ME3: variants seen among roughly 807,000 people sequenced by gnomAD.
ME3 encodes the protein malic enzyme 3, also known as NADP-dependent malic enzyme, mitochondrial.
Under a neutral mutation model 68.9 loss-of-function variants are expected in ME3, and 48 were observed. That is an observed-to-expected ratio of 0.70 (90% CI 0.55 to 0.89). ME3 has a LOEUF of 0.89. Among genes scored for constraint, ME3 ranks in the 40% least tolerant of loss-of-function variants. ME3 has a pLI of 0.00. For missense variants in ME3, 675 were observed against 797.4 expected, an observed-to-expected ratio of 0.85 and a Z score of 1.85; for synonymous variants, 320 against 318.8, an observed-to-expected ratio of 1.00 and a Z score of -0.04.
intron 2 of ME3, among the ~76,000 whole-genome samples, chr11:86,569,503 G>A (rs539386962): frequency 0.028 from 4,220 of 152,174 alleles, 183 homozygotes; most frequent in African/African-American, 0.088. Context: ...ACACAGTTTA[G>A]CACATGCGAT....
intron 4 of ME3, among the ~76,000 whole-genome samples, chr11:86,549,512 C>T (rs1025830047): frequency 1.3e-5 from 2 of 152,192 alleles, no homozygotes; most frequent in African/African-American, 4.8e-5. Flanking sequence ...TGACTGCTTT[C>T]ATGTCTCATT....
chr11:86,447,454 AGGCATTCCTG>A (rs1949376395), intron 11 of ME3, among the ~76,000 whole-genome samples: 1 of 152,152 alleles, frequency 6.6e-6, no homozygotes, highest in South Asian at 2.1e-4. Flanking sequence ...GCTCCTGTGA[AGGCATTCCTG>A]GGCATTTCCA....
At chr11:86,610,593 C>A (rs1237167094) in intron 2 of ME3, among the ~76,000 whole-genome samples, 1 of 152,096 alleles carries the variant, frequency 6.6e-6, no homozygotes, top group Non-Finnish European at 1.5e-5. Context: ...CGACTCACAT[C>A]CCTTGCTGCT....
intron 2 of ME3, among the ~76,000 whole-genome samples, chr11:86,596,968 G>A (rs1270081684): frequency 6.6e-6 from 1 of 152,220 alleles, no homozygotes; most frequent in Non-Finnish European, 1.5e-5. Context: ...AGGTCATAGA[G>A]GGAAGCCTCT....
chr11:86,459,812 A>G (rs908102103), intron 8 of ME3, among the ~76,000 whole-genome samples: 2 of 152,226 alleles, frequency 1.3e-5, no homozygotes, highest in Admixed American at 6.5e-5. Context: ...CATAACACAC[A>G]GGAGCCTTTA....
At chr11:86,494,920 ATAAC>A (rs1370225450) in intron 6 of ME3, among the ~76,000 whole-genome samples, 1 of 152,262 alleles carries the variant, frequency 6.6e-6, no homozygotes, top group East Asian at 1.9e-4. Flanking sequence ...CACCTAGGTA[ATAAC>A]TATCTTTATG....
intron 4 of ME3, among the ~76,000 whole-genome samples, chr11:86,532,485 A>T (rs1955325413): frequency 6.6e-6 from 1 of 152,236 alleles, no homozygotes; most frequent in Admixed American, 6.5e-5. Context: ...AGGTCTTAAC[A>T]AATTTAAGGA....
At position 86,594,695 on chromosome 11, in the gene ME3, AAC is replaced by A. The variant is rs1200986719; in HGVS notation, c.184-34874_184-34873del. Among the ~76,000 whole-genome samples, 90 of 146,022 alleles carry A rather than the reference AAC, an allele frequency of 6.2e-4. 25 individuals carry two copies. The East Asian group carries it at 0.017, about 27-fold the overall frequency. On this transcript the variant is annotated intron_variant, in intron 2 of 14. Transcript: ENST00000543262. ...CCTTTCTCAAAAAACAATACAAAAA[AAC>A]ACAAAAAAACAAAAAAACGAAACAA...
intron 4 of ME3, among the ~76,000 whole-genome samples, chr11:86,530,032 G>C (rs1360722022): frequency 6.6e-6 from 1 of 152,152 alleles, no homozygotes; most frequent in Non-Finnish European, 1.5e-5. Flanking sequence ...AGGAAATAAA[G>C]GGTATTCAAT....
At chr11:86,650,991 T>A (rs1023837974) in intron 2 of ME3, among the ~76,000 whole-genome samples, 1 of 152,198 alleles carries the variant, frequency 6.6e-6, no homozygotes, top group Non-Finnish European at 1.5e-5. Flanking sequence ...AGAGCCTCAC[T>A]CATTGCTAGC....
chr11:86,616,895 G>A (rs1942994159), intron 2 of ME3, among the ~76,000 whole-genome samples: 2 of 152,208 alleles, frequency 1.3e-5, no homozygotes, highest in Middle Eastern at 3.4e-3. Context: ...TCATAGTCAT[G>A]TACCAATATT....
At chr11:86,455,298 C>G (rs948754614) in intron 8 of ME3, among the ~76,000 whole-genome samples, 1 of 152,220 alleles carries the variant, frequency 6.6e-6, no homozygotes, top group East Asian at 1.9e-4. Context: ...GGGCACAAAA[C>G]AGTAGAACAC....
chr11:86,509,402 A>T (rs1827070405), intron 4 of ME3, among the ~76,000 whole-genome samples: 5 of 15,126 alleles, frequency 3.3e-4, no homozygotes, highest in East Asian at 1.2e-3. Context: ...CCATCATCAC[A>T]CACACACACA....
intron 2 of ME3, among the ~76,000 whole-genome samples, chr11:86,620,440 T>C (rs960851793): frequency 6.6e-6 from 1 of 152,208 alleles, no homozygotes; most frequent in African/African-American, 2.4e-5. Flanking sequence ...TTGCCTCCTT[T>C]TAGGGTCTAC....
At chr11:86,587,347 C>T (rs1187543944) in intron 2 of ME3, among the ~76,000 whole-genome samples, 2 of 152,136 alleles carry the variant, frequency 1.3e-5, no homozygotes, top group Admixed American at 1.3e-4. Flanking sequence ...GCAGGCAGGC[C>T]CAGGTCAAGG....
chr11:86,506,401 G>T (rs761898329), intron 5 of ME3, among the ~76,000 whole-genome samples: 1 of 152,154 alleles, frequency 6.6e-6, no homozygotes, highest in Non-Finnish European at 1.5e-5. Flanking sequence ...ACCACAATAC[G>T]AAGCAATTTG....
At position 86,582,269 on chromosome 11, in the gene ME3, A is replaced by C. The variant is rs1958483225; in HGVS notation, c.184-22446T>G. Among the ~76,000 whole-genome samples the C allele has an allele frequency of 2.6e-5, 4 of 152,220 alleles. No individual in the cohort carries two copies. The South Asian group carries it at 8.3e-4, about 32-fold the overall frequency. ...GAATGACCTTCTGTGCCCATCTACT[A>C]ATCAGTATAGTGGATTAGAGGATGA... is the stretch of plus-strand genomic sequence containing the variant. On this transcript the variant is annotated intron_variant, in intron 2 of 14. Coordinates refer to ENST00000543262, the Ensembl canonical transcript of ME3.
At chr11:86,577,805 T>C (rs1221662967) in intron 2 of ME3, among the ~76,000 whole-genome samples, 1 of 152,246 alleles carries the variant, frequency 6.6e-6, no homozygotes, top group Non-Finnish European at 1.5e-5. Flanking sequence ...TGCTCTCATA[T>C]GGCTTACGTC....
intron 7 of ME3, among the ~76,000 whole-genome samples, chr11:86,474,241 A>G (rs1413476284): frequency 6.6e-6 from 1 of 152,204 alleles, no homozygotes; most frequent in African/African-American, 2.4e-5. Flanking sequence ...GACTCGCAAC[A>G]TAGTCACAGG....
Sources: allele counts gnomAD v4.1 joint callset (sites outside exome capture counted in the v4.1 genomes callset), GRCh38; gene constraint gnomAD v4.1.1; transcripts MANE v1.5; gene names NCBI Gene and HGNC (gene_info 2026-07-23, HGNC 2026-07-21).